ADGRL4: variants seen among roughly 807,000 people sequenced by gnomAD.
The protein encoded by ADGRL4 is EGF, latrophilin and seven transmembrane domain containing 1.
ADGRL4 carries 90 observed loss-of-function variants against 74.8 expected under a neutral mutation model. The observed-to-expected ratio is 1.20, with a 90% CI of 1.02 to 1.43. The LOEUF is 1.43. ADGRL4 is among the 40% of genes most tolerant of loss of function. ADGRL4 has a pLI of 0.00. For missense variants in ADGRL4, 881 were observed against 814.3 expected, an observed-to-expected ratio of 1.08 and a Z score of -1.00; for synonymous variants, 311 against 279.2, an observed-to-expected ratio of 1.11 and a Z score of -1.14.
chr1:78,935,353 T>C (rs1047260817), intron 7 of ADGRL4, among the ~76,000 whole-genome samples: 1 of 151,778 alleles, frequency 6.6e-6, no homozygotes, highest in Admixed American at 6.6e-5. Flanking sequence ...AGTTGAACAA[T>C]GAAAACACAT....
intron 7 of ADGRL4, among the ~76,000 whole-genome samples, chr1:78,930,013 G>A (rs1649205124): frequency 6.6e-6 from 1 of 151,308 alleles, no homozygotes; most frequent in African/African-American, 2.5e-5. Context: ...TGGTATAATA[G>A]AGTAAAAGCC....
intron 2 of ADGRL4, among the ~76,000 whole-genome samples, chr1:78,955,074 A>C (rs1359243930): frequency 6.6e-6 from 1 of 152,068 alleles, no homozygotes; most frequent in Non-Finnish European, 1.5e-5. Context: ...GTAGATATTT[A>C]GTAATGTAAG....
At position 78,926,969 on chromosome 1, in the gene ADGRL4, A is replaced by C. The variant is rs779640567; in HGVS notation, c.1000T>G (p.Ser334Ala). The stretch of plus-strand genomic sequence containing the variant: ...GAGCTCATTGAGACTGAAATTACTG[A>C]AGATATGACTCTTTCCTCCTCTTCA... ...NSEEEERVIS[S>A]VISVSMSSNP... The change falls in exon 8 of 15, where the codon TCA becomes GCA. Residue 334 changes from serine (S) to alanine (A), a missense_variant. By Grantham distance (99) the Ser-to-Ala change is moderately conservative. Coordinates refer to ENST00000370742, the MANE Select transcript of ADGRL4 (RefSeq NM_022159.4). The C allele has an allele frequency of 2.5e-6, 4 of 1,612,052 alleles. No individual in the cohort carries two copies. The highest frequency in any genetic ancestry group is 2.5e-6 in the Non-Finnish European group (3 of 1,178,826).
intron 2 of ADGRL4, among the ~76,000 whole-genome samples, chr1:78,968,514 G>T: frequency 7.3e-6 from 1 of 136,550 alleles, no homozygotes; most frequent in African/African-American, 2.6e-5. Flanking sequence ...GGGGGGGTGG[G>T]GGGGAGACGG....
At chr1:78,961,211 A>G (rs1649944904) in intron 2 of ADGRL4, among the ~76,000 whole-genome samples, 1 of 151,924 alleles carries the variant, frequency 6.6e-6, no homozygotes, top group African/African-American at 2.4e-5. Context: ...CCTCCCCAGT[A>G]GCTGGGTGCC....
intron 2 of ADGRL4, among the ~76,000 whole-genome samples, chr1:78,986,241 A>T (rs1650492344): frequency 7.3e-6 from 1 of 136,490 alleles, no homozygotes; most frequent in Admixed American, 6.9e-5. Context: ...TTGCCTTTTG[A>T]AAAAAAATGT....
intron 12 of ADGRL4, among the ~76,000 whole-genome samples, chr1:78,906,886 A>T (rs1570217237): frequency 6.6e-6 from 1 of 152,070 alleles, no homozygotes; most frequent in East Asian, 1.9e-4. Context: ...GAGATATAAG[A>T]TTTTCCCCCA....
At chr1:78,926,780 G>A (rs1649123073) in intron 8 of ADGRL4, 106 bp downstream of exon 8, 7 of 795,134 alleles carry the variant, frequency 8.8e-6, no homozygotes, top group Non-Finnish European at 1.4e-5. Flanking sequence ...TTTCAAATCT[G>A]TATTTTTAAA....
rs141352077 is a variant in ADGRL4, at chr1:78,937,549, C to A, written c.760+258G>T. Among the ~76,000 whole-genome samples, 7 of 152,240 alleles carry A rather than the reference C, an allele frequency of 4.6e-5. No individual in the cohort carries two copies. In the South Asian group the frequency reaches 1.4e-3, roughly 32 times the overall value. ...TGCCAAGGGAATAATGTACTCTGACCATTTAATGGCTGTACAGTTCAGGAA... is the reference window on the plus strand; with the variant it reads ...TGCCAAGGGAATAATGTACTCTGACAATTTAATGGCTGTACAGTTCAGGAA... On this transcript the variant is annotated intron_variant, in intron 6 of 14. Transcript: ENST00000370742.
chr1:78,997,105 C>T (rs917836848), intron 2 of ADGRL4, among the ~76,000 whole-genome samples: 2 of 151,962 alleles, frequency 1.3e-5, no homozygotes, highest in African/African-American at 4.8e-5. Context: ...CATTGATGAT[C>T]ACCTTGTTTA....
At chr1:78,972,268 A>T (rs528325279) in intron 2 of ADGRL4, among the ~76,000 whole-genome samples, 3 of 152,188 alleles carry the variant, frequency 2.0e-5, no homozygotes, top group Non-Finnish European at 2.9e-5. Context: ...AAAAAGCCTG[A>T]CTGGATTTTA....
At chr1:78,935,543 CAA>C (rs1370529957) in intron 7 of ADGRL4, among the ~76,000 whole-genome samples, 1 of 129,886 alleles carries the variant, frequency 7.7e-6, no homozygotes, top group Non-Finnish European at 1.7e-5. Context: ...AAAAAAAAAA[CAA>C]ACCTACTTTA....
Position 78,890,274 on chromosome 1 carries a change from A to C in ADGRL4, c.*880T>G, listed in dbSNP as rs1462911050. The C allele has an allele frequency of 6.6e-6, 1 of 152,292 alleles. No individual in the cohort carries two copies. The highest frequency in any genetic ancestry group is 6.6e-5 in the Admixed American group (1 of 15,262). 9.4% of individuals were successfully genotyped at this position (152,292 alleles called of 1,614,324 possible). ...TTCAAATATACTAATGAGATAGTAT[A>C]ACTTTCACTTCACTGAAAGGTAATA... On this transcript the variant is annotated 3_prime_UTR_variant, in exon 15 of 15. Transcript: ENST00000370742.
rs753272753 is a variant in ADGRL4, at chr1:78,893,154, T to C, written c.1785A>G (p.Lys595=). Residue 595 remains lysine (K), a synonymous_variant, in exon 13 of 15, where the codon AAA becomes AAG. Coordinates refer to ENST00000370742, the MANE Select transcript of ADGRL4 (RefSeq NM_022159.4). ...TCAACCCTGCAGTGTGACGAAAAACTTTGTATATGATGACTCCAAAAGCCA... is the reference window on the plus strand; with the variant it reads ...TCAACCCTGCAGTGTGACGAAAAACCTTGTATATGATGACTCCAAAAGCCA... ...NLLAFGVIIY[K]VFRHTAGLKP... 2.5e-6 allele frequency: 4 copies of C among 1,604,200 alleles called. No individual in the cohort carries two copies. Among genetic ancestry groups the C allele is most frequent in the Non-Finnish European group, 3.4e-6 (4 of 1,176,292 alleles).
intron 12 of ADGRL4, among the ~76,000 whole-genome samples, chr1:78,897,684 C>A (rs1006907320): frequency 3.3e-5 from 5 of 152,104 alleles, no homozygotes; most frequent in African/African-American, 1.2e-4. Flanking sequence ...AAATACTTAT[C>A]TAAAATTATT....
intron 7 of ADGRL4, among the ~76,000 whole-genome samples, chr1:78,928,183 G>A (rs780617989): frequency 2.0e-5 from 3 of 151,218 alleles, no homozygotes; most frequent in Non-Finnish European, 2.9e-5. Context: ...AATATAAGAA[G>A]GATTTTTAAA....
intron 8 of ADGRL4, among the ~76,000 whole-genome samples, chr1:78,925,731 C>A (rs895176702): frequency 6.6e-6 from 1 of 151,926 alleles, no homozygotes; most frequent in East Asian, 1.9e-4. Flanking sequence ...CAGGAATTAC[C>A]GTGAAGAGTT....
chr1:78,912,554 C>T (rs1648783822), intron 12 of ADGRL4, among the ~76,000 whole-genome samples: 1 of 151,842 alleles, frequency 6.6e-6, no homozygotes, highest in Non-Finnish European at 1.5e-5. Flanking sequence ...CCAATTACCC[C>T]TCCTCAACAA....
At chr1:78,990,417 ATTGATAAGAC>A (rs1224704849) in intron 2 of ADGRL4, among the ~76,000 whole-genome samples, 1 of 151,942 alleles carries the variant, frequency 6.6e-6, no homozygotes, top group Non-Finnish European at 1.5e-5. Context: ...ATCACCAATA[ATTGATAAGAC>A]TTAGGTTTGG....
Sources: gnomAD v4.1 joint callset for allele counts (sites outside exome capture counted in the v4.1 genomes callset) on GRCh38, gnomAD v4.1.1 for gene constraint, MANE v1.5 for transcripts, NCBI Gene and HGNC (gene_info 2026-07-23, HGNC 2026-07-21) for gene names.